The following TNNI3K variants were observed in gnomAD, a reference collection of about 807,000 sequenced individuals.
TNNI3K encodes the protein TNNI3 interacting kinase.
Under a neutral mutation model 114.5 loss-of-function variants are expected in TNNI3K, and 140 were observed. That is an observed-to-expected ratio of 1.22 (90% CI 1.07 to 1.41). TNNI3K has a LOEUF of 1.41. Among genes scored for constraint, TNNI3K ranks in the 40% most tolerant of loss-of-function variants. The pLI is 0.00. For synonymous variants in TNNI3K, 347 were observed against 347.5 expected (o/e 1.00, Z 0.02); for missense variants, 1,125 against 1,007.6 (o/e 1.12, Z -1.58).
In TNNI3K at chr1:74,453,465, G is replaced by A. The variant is rs189304513; in HGVS notation, c.2012-9976G>A. ...ATATTAGCCATTTACAACGAGGAAC[G>A]AATCCATGACTGCAAAGTGAGACAG... On this transcript the variant is annotated intron_variant, in intron 20 of 24. Transcript: ENST00000326637. Among the ~76,000 whole-genome samples the A allele has an allele frequency of 1.8e-3, 269 of 152,228 alleles. 3 individuals are homozygous for A. The highest frequency in any genetic ancestry group is 2.6e-3 in the Non-Finnish European group (175 of 68,018).
At chr1:74,425,263 G>A (rs951585455) in intron 17 of TNNI3K, among the ~76,000 whole-genome samples, 11 of 152,018 alleles carry the variant, frequency 7.2e-5, no homozygotes, top group African/African-American at 2.4e-4. Context: ...GCTGTGTCCT[G>A]CACAATATCC....
At chr1:74,419,780 T>G (rs1194990302) in intron 17 of TNNI3K, among the ~76,000 whole-genome samples, 1 of 152,154 alleles carries the variant, frequency 6.6e-6, no homozygotes, top group East Asian at 1.9e-4. Flanking sequence ...ATTATCAAAG[T>G]AGCATAACAA....
chr1:74,458,335 G>T (rs1446433628), intron 20 of TNNI3K, among the ~76,000 whole-genome samples: 5 of 152,136 alleles, frequency 3.3e-5, no homozygotes, highest in African/African-American at 1.2e-4. Context: ...TAATGCTCAT[G>T]AGGCAAATTG....
chr1:74,456,975 A>G (rs1030451732), intron 20 of TNNI3K, among the ~76,000 whole-genome samples: 1 of 152,124 alleles, frequency 6.6e-6, no homozygotes, highest in Non-Finnish European at 1.5e-5. Context: ...TGAGTTTACT[A>G]CCCCTCCTTA....
intron 4 of TNNI3K, among the ~76,000 whole-genome samples, chr1:74,259,047 T>C (rs1426869475): frequency 6.6e-6 from 1 of 152,232 alleles, no homozygotes; most frequent in Non-Finnish European, 1.5e-5. Flanking sequence ...GAAATGCTGC[T>C]CTCATTTCCT....
intron 17 of TNNI3K, among the ~76,000 whole-genome samples, chr1:74,428,996 C>G (rs146013267): frequency 6.6e-6 from 1 of 151,956 alleles, no homozygotes; most frequent in Non-Finnish European, 1.5e-5. Flanking sequence ...TTAAAGTATG[C>G]GATATCTCAT....
intron 21 of TNNI3K, among the ~76,000 whole-genome samples, chr1:74,488,396 T>C (rs45595635): frequency 2.0e-5 from 3 of 152,152 alleles, no homozygotes; most frequent in African/African-American, 7.2e-5. Flanking sequence ...ATCTAAATTA[T>C]TTGGTTACTG....
intron 17 of TNNI3K, chr1:74,374,534 C>A (rs1662794900): frequency 6.6e-6 from 1 of 151,850 alleles, no homozygotes; most frequent in Non-Finnish European, 1.5e-5. Context: ...TGGGCATCAG[C>A]AATATTTATC....
intron 17 of TNNI3K, among the ~76,000 whole-genome samples, chr1:74,426,547 A>G (rs1306660483): frequency 6.6e-6 from 1 of 152,060 alleles, no homozygotes; most frequent in Non-Finnish European, 1.5e-5. Flanking sequence ...AACTTGGCAC[A>G]CAAAATGTCA....
rs752147753 is a variant in TNNI3K at position 74,240,259 on chromosome 1, C to T, written c.149+4049C>T. 4.3e-4 allele frequency: 78 copies of T among 183,376 alleles called. 1 individual carries two copies. The highest frequency in any genetic ancestry group is 5.6e-4 in the Admixed American group (10 of 17,994). The allele number at this position is 183,376 out of a possible 1,614,324, so 11.4% of individuals were successfully genotyped here. ...TTACCATATGCCAGAAATGCTTCTACGTATCTTTTTGTGCATCAGCTTATA... is the reference window on the plus strand; with the variant it reads ...TTACCATATGCCAGAAATGCTTCTATGTATCTTTTTGTGCATCAGCTTATA... On this transcript the variant is annotated intron_variant, in intron 2 of 24. Coordinates refer to ENST00000326637, the MANE Select transcript of TNNI3K (RefSeq NM_015978.3).
chr1:74,315,010 A>G (rs1419330721), intron 5 of TNNI3K, among the ~76,000 whole-genome samples: 1 of 152,178 alleles, frequency 6.6e-6, no homozygotes, highest in Admixed American at 6.5e-5. Context: ...GCCTCTGTTA[A>G]TTGTGACCAA....
intron 16 of TNNI3K, 93 bp from the exon 17 acceptor site, chr1:74,370,195 G>A (rs747109706): frequency 2.7e-5 from 30 of 1,107,154 alleles, no homozygotes; most frequent in Non-Finnish European, 3.4e-5. Context: ...AAATGGTTAA[G>A]ATGATATAAA....
intron 17 of TNNI3K, among the ~76,000 whole-genome samples, chr1:74,419,964 C>A (rs1307977464): frequency 6.6e-6 from 1 of 151,860 alleles, no homozygotes. Context: ...ACATAAATGG[C>A]TATACATCAA....
intron 23 of TNNI3K, among the ~76,000 whole-genome samples, chr1:74,502,190 A>T (rs1669667897): frequency 6.6e-6 from 1 of 152,146 alleles, no homozygotes; most frequent in Admixed American, 6.5e-5. Flanking sequence ...GTTTTCTTTT[A>T]TATTCATACC....
At chr1:74,353,118 A>C in intron 9 of TNNI3K, 148 bp from the exon 10 acceptor site, 1 of 836,232 alleles carries the variant, frequency 1.2e-6, no homozygotes, top group Non-Finnish European at 1.8e-6. Context: ...GTACCTCTTT[A>C]AAGATACAAT....
chr1:74,381,987 C>T (rs1663226524), intron 17 of TNNI3K, among the ~76,000 whole-genome samples: 1 of 152,178 alleles, frequency 6.6e-6, no homozygotes, highest in Non-Finnish European at 1.5e-5. Flanking sequence ...ATGTGTATAG[C>T]ACCTATGTGG....
At chr1:74,394,019 G>A (rs541575850) in intron 17 of TNNI3K, among the ~76,000 whole-genome samples, 2 of 152,278 alleles carry the variant, frequency 1.3e-5, no homozygotes, top group East Asian at 3.9e-4. Context: ...ATACAGCCAT[G>A]GGATAAAAAT....
At chr1:74,466,273 ACAAT>A (rs1264503866) in intron 21 of TNNI3K, among the ~76,000 whole-genome samples, 2 of 151,910 alleles carry the variant, frequency 1.3e-5, no homozygotes, top group African/African-American at 2.4e-5. Flanking sequence ...CCATCAAATA[ACAAT>A]CAAGGGAATC....
Position 74,360,318 on chromosome 1 carries a change from T to C in TNNI3K, c.1177+6189T>C, listed in dbSNP as rs74441399. On this transcript the variant is annotated intron_variant, in intron 11 of 24. Coordinates refer to ENST00000326637, the MANE Select transcript of TNNI3K (RefSeq NM_015978.3). ...CATAAGAAAAAGTCTCAGCTTGATATCATAACACACAGAGACTTTATTGTC... is the reference window on the plus strand; with the variant it reads ...CATAAGAAAAAGTCTCAGCTTGATACCATAACACACAGAGACTTTATTGTC... 4.2e-3 allele frequency among the ~76,000 whole-genome samples: 638 copies of C among 152,080 alleles called. 3 individuals carry two copies. Among genetic ancestry groups the C allele is most frequent in the Non-Finnish European group, 5.5e-3 (372 of 67,922 alleles).
Sources: gnomAD v4.1 joint callset for allele counts (sites outside exome capture counted in the v4.1 genomes callset) on GRCh38, gnomAD v4.1.1 for gene constraint, MANE v1.5 for transcripts, NCBI Gene and HGNC (gene_info 2026-07-23, HGNC 2026-07-21) for gene names.